SHISA9: variants seen among roughly 807,000 people sequenced by gnomAD.
SHISA9 encodes the protein shisa family member 9, also known as protein shisa-9.
SHISA9 carries 13 observed loss-of-function variants against 38.0 expected under a neutral mutation model. That is an observed-to-expected ratio of 0.34 (90% CI 0.22 to 0.54). SHISA9 has a LOEUF of 0.54. SHISA9 is among the 20% of genes least tolerant of loss of function. The probability of loss-of-function intolerance (pLI) is 0.91; values close to 1 mark genes in which losing one functional copy is unlikely to be tolerated. For missense variants in SHISA9, 538 were observed against 575.8 expected (o/e 0.93, Z 0.67); for synonymous variants, 275 against 242.0 (o/e 1.14, Z -1.27).
the SHISA9 span, among the ~76,000 whole-genome samples, chr16:13,368,338 T>C: frequency 3.8e-4 from 58 of 151,936 alleles, no homozygotes; most frequent in South Asian, 1.5e-3. Context: ...TCCACGGGGG[T>C]TCAACAGACT....
At chr16:13,340,592 C>A in the SHISA9 span, among the ~76,000 whole-genome samples, 2 of 152,190 alleles carry the variant, frequency 1.3e-5, no homozygotes, top group Non-Finnish European at 2.9e-5. Flanking sequence ...TTTACAAACC[C>A]TCCACCACAA....
chr16:13,037,637 C>T (rs76573832), intron 2 of SHISA9, among the ~76,000 whole-genome samples: 2,445 of 152,276 alleles, frequency 0.016, 29 homozygotes, highest in Non-Finnish European at 0.021. Flanking sequence ...CCTCCTTCCA[C>T]TCACACTGTT....
the SHISA9 span, among the ~76,000 whole-genome samples, chr16:13,451,193 T>C: frequency 6.6e-6 from 1 of 152,184 alleles, no homozygotes; most frequent in Non-Finnish European, 1.5e-5. Context: ...CCATGCTGGC[T>C]CTTGGAGTTC....
chr16:13,325,269 T>C, the SHISA9 span, among the ~76,000 whole-genome samples: 1 of 152,208 alleles, frequency 6.6e-6, no homozygotes. Context: ...TCGTGTGTCA[T>C]GTCATGACAG....
the SHISA9 span, among the ~76,000 whole-genome samples, chr16:13,459,916 A>G: frequency 1.3e-5 from 2 of 151,858 alleles, no homozygotes; most frequent in Non-Finnish European, 2.9e-5. Context: ...ATGATTATGA[A>G]TATTTTTTTA....
At chr16:12,975,959 G>A (rs1266371091) in intron 2 of SHISA9, among the ~76,000 whole-genome samples, 2 of 151,670 alleles carry the variant, frequency 1.3e-5, no homozygotes, top group African/African-American at 2.4e-5. Flanking sequence ...CTGATGACCC[G>A]GGGCATCCTG....
intron 2 of SHISA9, among the ~76,000 whole-genome samples, chr16:13,081,538 ATT>A (rs553748820): frequency 1.4e-5 from 2 of 146,060 alleles, no homozygotes. Context: ...CCTTCAAGGT[ATT>A]TTTTTTTTTT....
In SHISA9 at chr16:12,902,867, T is replaced by TGTGTGTGTGTGA. The variant is rs1177790785; in HGVS notation, c.563+241_563+242insTGTGTGTGTGAG. 3.6e-3 allele frequency: 1,798 copies of TGTGTGTGTGTGA among 502,926 alleles called. 20 individuals are homozygous for TGTGTGTGTGTGA. The East Asian group carries it at 0.046, about 13-fold the overall frequency. The allele number at this position is 502,926 out of a possible 1,614,324, so 31.2% of individuals were successfully genotyped here. A position where few individuals can be genotyped will look rare whatever the true frequency, so the allele number is the denominator to read the frequency against. ...GTGTGAGCGTGTGTGTGTGTGTGTG[T>TGTGTGTGTGTGA]GACTCTGCTCCCTCACCCTCTGGCC... is the stretch of plus-strand genomic sequence containing the variant. On this transcript the variant is annotated intron_variant, in intron 1 of 4. Transcript: ENST00000558583.
chr16:13,226,610 C>CTGAGCA (rs1340312819), intron 4 of SHISA9, among the ~76,000 whole-genome samples: 1 of 152,196 alleles, frequency 6.6e-6, no homozygotes, highest in African/African-American at 2.4e-5. Flanking sequence ...ATCTTAGTTG[C>CTGAGCA]TGAGCATAGC....
the SHISA9 span, among the ~76,000 whole-genome samples, chr16:13,548,871 A>G: frequency 1.3e-4 from 20 of 152,328 alleles, 1 homozygote; most frequent in South Asian, 4.1e-3. Context: ...GTATATATAC[A>G]AAGAAAATAA....
intron 2 of SHISA9, among the ~76,000 whole-genome samples, chr16:13,040,435 C>T (rs1218607401): frequency 6.6e-6 from 1 of 152,220 alleles, no homozygotes; most frequent in Non-Finnish European, 1.5e-5. Flanking sequence ...TCAAATGCCA[C>T]TTCTACAAAT....
downstream of SHISA9, among the ~76,000 whole-genome samples, chr16:13,244,620 A>G (rs1213555289): frequency 6.6e-6 from 1 of 152,216 alleles, no homozygotes; most frequent in Non-Finnish European, 1.5e-5. Context: ...TTTTATCAGT[A>G]AGGCTTCTGG....
chr16:12,985,341 G>A (rs1223180093), intron 2 of SHISA9, among the ~76,000 whole-genome samples: 1 of 152,126 alleles, frequency 6.6e-6, no homozygotes, highest in African/African-American at 2.4e-5. Flanking sequence ...GGATTTCTTG[G>A]AATTTCTCTG....
At chr16:13,068,151 G>A (rs1227702806) in intron 2 of SHISA9, among the ~76,000 whole-genome samples, 1 of 152,158 alleles carries the variant, frequency 6.6e-6, no homozygotes, top group African/African-American at 2.4e-5. Flanking sequence ...ACCTTCCTGT[G>A]CCTTGCTTTC....
the SHISA9 span, among the ~76,000 whole-genome samples, chr16:13,320,931 A>T: frequency 6.6e-6 from 1 of 152,200 alleles, no homozygotes; most frequent in Non-Finnish European, 1.5e-5. Flanking sequence ...GTGTTGTTCA[A>T]TGGAACTGTC....
At chr16:12,976,380 C>T (rs2072161782) in intron 2 of SHISA9, among the ~76,000 whole-genome samples, 1 of 152,160 alleles carries the variant, frequency 6.6e-6, no homozygotes, top group Admixed American at 6.5e-5. Context: ...CATGAGCCAC[C>T]ATGCCTGGCC....
chr16:12,944,827 C>A (rs1026234222), intron 2 of SHISA9, among the ~76,000 whole-genome samples: 3 of 152,054 alleles, frequency 2.0e-5, no homozygotes, highest in African/African-American at 2.4e-5. Flanking sequence ...CAAGCAGATG[C>A]TGAGACAAGG....
chr16:13,542,735 A>G, the SHISA9 span, among the ~76,000 whole-genome samples: 42 of 152,252 alleles, frequency 2.8e-4, no homozygotes, highest in African/African-American at 9.2e-4. Context: ...TTAAATCAAA[A>G]TAAGCAACTG....
chr16:13,022,463 C>T (rs970307449), intron 2 of SHISA9, among the ~76,000 whole-genome samples: 2 of 152,126 alleles, frequency 1.3e-5, no homozygotes, highest in Admixed American at 1.3e-4. Flanking sequence ...TCCCAAGTAG[C>T]TGGGGTTACA....
Sources: allele counts gnomAD v4.1 joint callset (sites outside exome capture counted in the v4.1 genomes callset), GRCh38; gene constraint gnomAD v4.1.1; transcripts MANE v1.5; gene names NCBI Gene and HGNC (gene_info 2026-07-23, HGNC 2026-07-21).